Variants in TADA2A observed in about 807,000 individuals in gnomAD.
The protein encoded by TADA2A is transcriptional adapter 2-alpha.
TADA2A carries 38 observed loss-of-function variants against 67.4 expected under a neutral mutation model. The ratio of observed to expected loss-of-function variants is 0.56; its 90% confidence interval spans 0.44 to 0.74. TADA2A has a LOEUF of 0.74. Among genes scored for constraint, TADA2A ranks in the 30% least tolerant of loss-of-function variants. The probability of loss-of-function intolerance (pLI) is 0.00; values close to 1 mark genes in which losing one functional copy is unlikely to be tolerated. For synonymous variants in TADA2A, 192 were observed against 181.6 expected (o/e 1.06, Z -0.46); for missense variants, 454 against 547.0 (o/e 0.83, Z 1.70).
chr17:37,427,113 G>GATTAAGAA, intron 4 of TADA2A, 104 bp downstream of exon 4: 1 of 920,120 alleles, frequency 1.1e-6, no homozygotes, highest in Non-Finnish European at 1.6e-6. Context: ...GGACTTCAGG[G>GATTAAGAA]AATTAGTTTT....
chr17:37,465,694 A>G, intron 11 of TADA2A, 153 bp downstream of exon 11: 2 of 1,410,642 alleles, frequency 1.4e-6, no homozygotes, highest in South Asian at 1.4e-5. Context: ...ATTTGGGACT[A>G]TGGGGGTGGC....
At chr17:37,434,980 C>T (rs1357111780) in intron 4 of TADA2A, among the ~76,000 whole-genome samples, 1 of 152,196 alleles carries the variant, frequency 6.6e-6, no homozygotes, top group Non-Finnish European at 1.5e-5. Flanking sequence ...GGCACGGTGG[C>T]TCATGCCTAT....
chr17:37,465,184 G>A (rs2053637664), intron 10 of TADA2A, among the ~76,000 whole-genome samples: 1 of 151,972 alleles, frequency 6.6e-6, no homozygotes, highest in Admixed American at 6.6e-5. Context: ...GAGATGAGTA[G>A]TGCTCAGTGG....
rs780935496 is a variant in TADA2A, at chr17:37,423,620, C to G, written c.132+5C>G. On this transcript the variant is annotated splice_donor_5th_base_variant and intron_variant, in intron 3 of 15. Coordinates refer to ENST00000615182, the MANE Select transcript of TADA2A (RefSeq NM_001166105.3). ...CCTTTTTTCCTCTGCTTGCAGGTAACTCACTAATGCTGGCTTCTCCTAGCC... is the reference window on the plus strand; with the variant it reads ...CCTTTTTTCCTCTGCTTGCAGGTAAGTCACTAATGCTGGCTTCTCCTAGCC... The G allele has an allele frequency of 6.2e-7, 1 of 1,601,606 alleles. No homozygotes were observed. Among genetic ancestry groups the G allele is most frequent in the Non-Finnish European group, 8.5e-7 (1 of 1,173,714 alleles).
At chr17:37,470,837 T>C (rs1665959642) in intron 13 of TADA2A, among the ~76,000 whole-genome samples, 1 of 152,178 alleles carries the variant, frequency 6.6e-6, no homozygotes, top group Non-Finnish European at 1.5e-5. Flanking sequence ...ATCATGTTTG[T>C]ATCCCTTCCC....
intron 4 of TADA2A, among the ~76,000 whole-genome samples, chr17:37,428,407 C>T (rs2052471111): frequency 6.6e-6 from 1 of 152,180 alleles, no homozygotes; most frequent in Admixed American, 6.6e-5. Context: ...TTGATCAGGG[C>T]ATGTTCTCCG....
chr17:37,418,181 C>G (rs1480888575), intron 2 of TADA2A, among the ~76,000 whole-genome samples: 1 of 152,174 alleles, frequency 6.6e-6, no homozygotes, highest in Admixed American at 6.6e-5. Flanking sequence ...TATTAAAATT[C>G]TCAAAAATAC....
intron 2 of TADA2A, among the ~76,000 whole-genome samples, chr17:37,412,171 A>G (rs562926947): frequency 2.6e-5 from 4 of 151,132 alleles, no homozygotes; most frequent in African/African-American, 7.3e-5. Flanking sequence ...AGATTGTGCC[A>G]CTGCACTCCA....
In TADA2A at chr17:37,426,988, C is replaced by T. The variant is rs779630977; in HGVS notation, c.171C>T (p.Ser57=). 40 of 1,590,690 alleles carry T rather than the reference C, an allele frequency of 2.5e-5. No individual in the cohort carries two copies. The highest frequency in any genetic ancestry group is 5.3e-5 in the Admixed American group (3 of 56,280). ...TRGFEYKKHQ[S]DHTYEIMTSD... Reference sequence around the variant, plus strand: ...GCTTTGAGTACAAGAAACATCAAAGCGATCATACTTATGAAATAATGGTAA... The same window carrying T: ...GCTTTGAGTACAAGAAACATCAAAGTGATCATACTTATGAAATAATGGTAA... Residue 57 remains serine, a synonymous_variant, in exon 4 of 16, where the codon AGC becomes AGT. Coordinates refer to ENST00000615182, the MANE Select transcript of TADA2A (RefSeq NM_001166105.3).
At chr17:37,470,752 A>T (rs568640783) in intron 13 of TADA2A, among the ~76,000 whole-genome samples, 35 of 152,220 alleles carry the variant, frequency 2.3e-4, no homozygotes, top group Non-Finnish European at 4.9e-4. Flanking sequence ...CCTATTTTTT[A>T]AAATGAGTGT....
At chr17:37,422,698 C>T (rs1052644899) in intron 2 of TADA2A, among the ~76,000 whole-genome samples, 15 of 151,900 alleles carry the variant, frequency 9.9e-5, no homozygotes, top group Non-Finnish European at 1.6e-4. Context: ...GACAGGGTTT[C>T]GCCAGGTTGG....
At chr17:37,462,610 C>T (rs138018769) in intron 10 of TADA2A, among the ~76,000 whole-genome samples, 58 of 149,644 alleles carry the variant, frequency 3.9e-4, no homozygotes, top group African/African-American at 1.2e-3. Context: ...CCAGCCTGGG[C>T]GATAGAGCAA....
rs958402782 is a variant in TADA2A at position 37,479,657 on chromosome 17, G to A, written c.*2675G>A. On this transcript the variant is annotated 3_prime_UTR_variant, in exon 16 of 16. Transcript: ENST00000615182. Reference sequence around the variant, plus strand: ...TTTTTATTGCAATTTAACGTTAAAAGTTTCTGCTGGAGTTTTATGCATATT... The same window carrying A: ...TTTTTATTGCAATTTAACGTTAAAAATTTCTGCTGGAGTTTTATGCATATT... 3 of 152,178 alleles carry A rather than the reference G, an allele frequency of 2.0e-5. No homozygotes were observed. Among genetic ancestry groups the A allele is most frequent in the African/African-American group, 4.8e-5 (2 of 41,450 alleles). 9.4% of individuals were successfully genotyped at this position (152,178 alleles called of 1,614,324 possible).
At chr17:37,450,183 G>A (rs1389004116) in intron 8 of TADA2A, among the ~76,000 whole-genome samples, 1 of 152,166 alleles carries the variant, frequency 6.6e-6, no homozygotes, top group East Asian at 1.9e-4. Context: ...GCGACAGGTT[G>A]GATAAGCTTG....
rs547022636 is a variant in TADA2A at position 37,450,925 on chromosome 17, A to T, written c.604+6157A>T. The stretch of plus-strand genomic sequence containing the variant: ...TCCAGTTCTCCTCCCATTTGCTCCT[A>T]TGTGTTTCTTTTCTTCCTTTTGTTC... On this transcript the variant is annotated intron_variant, in intron 8 of 15. Transcript: ENST00000615182. Among the ~76,000 whole-genome samples, 3 of 152,178 alleles carry T rather than the reference A, an allele frequency of 2.0e-5. No individual in the cohort carries two copies. In the South Asian group the frequency reaches 6.2e-4, roughly 32 times the overall value.
At chr17:37,455,147 A>T (rs1311776451) in intron 8 of TADA2A, among the ~76,000 whole-genome samples, 1 of 152,210 alleles carries the variant, frequency 6.6e-6, no homozygotes, top group East Asian at 1.9e-4. Context: ...TTATTAAGAA[A>T]ATTTCAGATT....
intron 11 of TADA2A, chr17:37,465,774 C>A: frequency 1.6e-6 from 1 of 630,114 alleles, no homozygotes; most frequent in Non-Finnish European, 2.6e-6. Context: ...AGTAGTTTTT[C>A]TCCCTACTTT....
chr17:37,424,058 A>G (rs1382912413), intron 3 of TADA2A, among the ~76,000 whole-genome samples: 1 of 151,896 alleles, frequency 6.6e-6, no homozygotes, highest in Non-Finnish European at 1.5e-5. Flanking sequence ...CCAATTTTTC[A>G]TTATACGTTT....
At chr17:37,465,326 T>C (rs2053640358) in intron 10 of TADA2A, 105 bp from the exon 11 acceptor site, 4 of 813,050 alleles carry the variant, frequency 4.9e-6, no homozygotes, top group Non-Finnish European at 7.8e-6. Flanking sequence ...TATGAGGTTA[T>C]GAATAATGTT....
Sources: allele counts gnomAD v4.1 joint callset (sites outside exome capture counted in the v4.1 genomes callset), GRCh38; gene constraint gnomAD v4.1.1; transcripts MANE v1.5; gene names NCBI Gene and HGNC (gene_info 2026-07-23, HGNC 2026-07-21).